The following TMEM9 variants were observed in gnomAD, a reference collection of about 807,000 sequenced individuals.
The protein encoded by TMEM9 is proton-transporting V-type ATPase complex assembly regulator TMEM9.
A neutral mutation model predicts 22.8 loss-of-function variants in TMEM9; 13 were observed. The ratio of observed to expected loss-of-function variants is 0.57; its 90% CI spans 0.37 to 0.91. The LOEUF (loss-of-function observed/expected upper bound fraction) is 0.91. Among genes scored for constraint, TMEM9 ranks in the 40% least tolerant of loss-of-function variants. TMEM9 has a pLI of 0.01. For missense variants in TMEM9, 182 were observed against 238.1 expected (o/e 0.76, Z 1.55); for synonymous variants, 88 against 93.0 (o/e 0.95, Z 0.31).
intron 4 of TMEM9, among the ~76,000 whole-genome samples, chr1:201,142,233 G>A (rs188302195): frequency 2.0e-3 from 301 of 152,332 alleles, no homozygotes; most frequent in Middle Eastern, 3.4e-3. Context: ...AGGCATGTGC[G>A]CAGGGTGGGG....
intron 4 of TMEM9, among the ~76,000 whole-genome samples, chr1:201,136,389 A>G (rs543034016): frequency 6.6e-6 from 1 of 152,278 alleles, no homozygotes; most frequent in East Asian, 1.9e-4. Context: ...CTGAGATGGC[A>G]ACACATCTGC....
intron 3 of TMEM9, among the ~76,000 whole-genome samples, chr1:201,146,334 G>A (rs925969728): frequency 3.3e-5 from 5 of 152,212 alleles, no homozygotes; most frequent in African/African-American, 1.2e-4. Context: ...AGTCACTTTG[G>A]AAGCTTAATT....
chr1:201,151,608 T>C (rs1299650464), intron 2 of TMEM9, among the ~76,000 whole-genome samples, 153 bp downstream of exon 2: 1 of 152,218 alleles, frequency 6.6e-6, no homozygotes, highest in Non-Finnish European at 1.5e-5. Flanking sequence ...TTGACAACTA[T>C]GAAATTGGTT....
intron 4 of TMEM9, among the ~76,000 whole-genome samples, chr1:201,138,501 C>A (rs908370971): frequency 1.3e-5 from 2 of 152,172 alleles, no homozygotes; most frequent in Non-Finnish European, 2.9e-5. Context: ...ACCAGTTCCT[C>A]CCCTCTCCCT....
upstream of TMEM9, among the ~76,000 whole-genome samples, chr1:201,159,192 T>C (rs996356359): frequency 6.6e-6 from 1 of 152,240 alleles, no homozygotes; most frequent in African/African-American, 2.4e-5. Flanking sequence ...AAAGGGGCAG[T>C]AATGTGGGGG....
rs544860226 is a variant in TMEM9 at position 201,160,719 on chromosome 1, G to A, written c.-36-6760C>T. ...TGGGAGGCTGAGGTGGGCAGATCAC[G>A]AAGTCAGGAGATCGAGAACATCCTG... On this transcript the variant is annotated intron_variant, in intron 1 of 5. Transcript: ENST00000367333. 1.5e-4 allele frequency among the ~76,000 whole-genome samples: 23 copies of A among 152,016 alleles called. No homozygotes were observed. In the South Asian group the frequency reaches 3.7e-3, roughly 25 times the overall value.
rs914642041 is a variant in TMEM9, at chr1:201,139,780, G to A, written c.400-3965C>T. ...TTGTAAAGCTTCCATACACACGATC[G>A]CAACAGTTATGCTGAGGTAAACATG... On this transcript the variant is annotated intron_variant, in intron 4 of 4. Transcript: ENST00000367330. 2.1e-4 allele frequency among the ~76,000 whole-genome samples: 32 copies of A among 152,328 alleles called. 1 individual carries two copies. The highest frequency in any genetic ancestry group is 8.3e-4 in the South Asian group (4 of 4,828).
intron 3 of TMEM9, 37 bp downstream of exon 3, chr1:201,146,703 T>C: frequency 1.9e-6 from 3 of 1,576,468 alleles, no homozygotes; most frequent in Non-Finnish European, 2.6e-6. Context: ...GAATGGCGTG[T>C]GGGAATCCCA....
At chr1:201,142,748 G>A (rs1225360725) in intron 4 of TMEM9, among the ~76,000 whole-genome samples, 1 of 152,228 alleles carries the variant, frequency 6.6e-6, no homozygotes, top group Admixed American at 6.5e-5. Flanking sequence ...AGTGGAAGCA[G>A]CAGCCAACCC....
At chr1:201,160,560 G>A (rs1202502166) in intron 1 of TMEM9, among the ~76,000 whole-genome samples, 2 of 151,722 alleles carry the variant, frequency 1.3e-5, no homozygotes, top group Non-Finnish European at 2.9e-5. Flanking sequence ...TTGCACTTCA[G>A]CCTAGGCAAC....
upstream of TMEM9, among the ~76,000 whole-genome samples, chr1:201,157,380 G>GC (rs1665828301): frequency 6.6e-6 from 1 of 152,110 alleles, no homozygotes; most frequent in South Asian, 2.1e-4. Flanking sequence ...AACATGCCTG[G>GC]CCCCCCGGTA....
Position 201,135,529 on chromosome 1 carries a change from G to C in TMEM9, c.*134C>G, listed in dbSNP as rs1663909359. 8 of 907,932 alleles carry C rather than the reference G, an allele frequency of 8.8e-6. No homozygotes were observed. Among genetic ancestry groups the C allele is most frequent in the Non-Finnish European group, 1.3e-5 (8 of 627,612 alleles). The allele number at this position is 907,932 out of a possible 1,614,324, so 56.2% of individuals were successfully genotyped here. On this transcript the variant is annotated 3_prime_UTR_variant, in exon 5 of 5. Transcript: ENST00000367330. ...AGTACAACATTTCTAAAGTTAGGGAGAAGGAGGAAAAATGCCACAGGCTTT... is the reference window on the plus strand; with the variant it reads ...AGTACAACATTTCTAAAGTTAGGGACAAGGAGGAAAAATGCCACAGGCTTT...
chr1:201,171,264 A>C (rs1386760236), intron 1 of TMEM9, among the ~76,000 whole-genome samples: 3 of 152,020 alleles, frequency 2.0e-5, no homozygotes, highest in Admixed American at 6.5e-5. Context: ...GGCGGGCTAA[A>C]AGCGTGAGGC....
chr1:201,151,814 A>C lies in TMEM9; in HGVS notation c.105T>G (p.Pro35=). ...EDIRCKCICP[P]YRNISGHIYN... is the part of the protein sequence containing the mutation. The stretch of plus-strand genomic sequence containing the variant: ...AAATGTGCCCACTGATGTTTCTATA[A>C]GGTGGACAGATGCATTTGCACCGGA... The change falls in exon 2 of 5, where the codon CCT becomes CCG. Residue 35 remains proline, a synonymous_variant. Coordinates refer to ENST00000367330, the MANE Select transcript of TMEM9 (RefSeq NM_001288565.2). 6.2e-7 allele frequency: 1 copy of C among 1,613,956 alleles called. No homozygotes were observed. The highest frequency in any genetic ancestry group is 1.1e-5 in the South Asian group (1 of 91,072).
chr1:201,146,064 G>C (rs1308027239), intron 3 of TMEM9, among the ~76,000 whole-genome samples: 1 of 152,342 alleles, frequency 6.6e-6, no homozygotes. Flanking sequence ...AAGCCGCACT[G>C]GGGGGCTGGG....
intron 1 of TMEM9, among the ~76,000 whole-genome samples, chr1:201,159,891 G>A (rs867554979): frequency 1.3e-5 from 2 of 152,164 alleles, no homozygotes; most frequent in Middle Eastern, 3.2e-3. Context: ...CATTCTACCA[G>A]CAGTTGCCCA....
intron 2 of TMEM9, among the ~76,000 whole-genome samples, chr1:201,148,733 T>C (rs1381089194): frequency 6.6e-6 from 1 of 152,238 alleles, no homozygotes; most frequent in Admixed American, 6.5e-5. Context: ...TAAAGGACTC[T>C]GTTCTCCCAA....
At chr1:201,153,048 G>C (rs1665553963) in intron 1 of TMEM9, among the ~76,000 whole-genome samples, 1 of 152,158 alleles carries the variant, frequency 6.6e-6, no homozygotes, top group African/African-American at 2.4e-5. Flanking sequence ...AAAAAATACT[G>C]TGCACAGTAA....
chr1:201,136,209 C>T (rs1377266828), intron 4 of TMEM9, among the ~76,000 whole-genome samples: 6 of 152,206 alleles, frequency 3.9e-5, no homozygotes, highest in Non-Finnish European at 8.8e-5. Context: ...AAGAAGGATG[C>T]TAAGTATAGG....
Sources: gnomAD v4.1 joint callset for allele counts (sites outside exome capture counted in the v4.1 genomes callset) on GRCh38, gnomAD v4.1.1 for gene constraint, MANE v1.5 for transcripts, NCBI Gene and HGNC (gene_info 2026-07-23, HGNC 2026-07-21) for gene names.